The following NOVA1 variants were observed in gnomAD, a reference collection of about 807,000 sequenced individuals.
NOVA1 encodes RNA-binding protein Nova-1.
NOVA1 carries 7 observed loss-of-function variants against 38.0 expected under a neutral mutation model. That is an observed-to-expected ratio of 0.18 (90% confidence interval 0.10 to 0.35). The LOEUF is 0.35. Ranked by LOEUF, NOVA1 falls within the 10% of genes least tolerant of loss-of-function variation. The pLI is 1.00. For missense variants in NOVA1, 460 were observed against 616.0 expected (o/e 0.75, Z 2.68); for synonymous variants, 270 against 232.5 (o/e 1.16, Z -1.47).
At chr14:26,453,293 G>C (rs896471489) in intron 4 of NOVA1, among the ~76,000 whole-genome samples, 2 of 151,896 alleles carry the variant, frequency 1.3e-5, no homozygotes, top group African/African-American at 4.8e-5. Flanking sequence ...CTGCAGCCTC[G>C]AACTCCTGGG....
At chr14:26,525,283 T>C (rs1889218379) in intron 2 of NOVA1, among the ~76,000 whole-genome samples, 1 of 152,166 alleles carries the variant, frequency 6.6e-6, no homozygotes, top group Admixed American at 6.5e-5. Context: ...ATGTGGCCAA[T>C]TCCTACAAGA....
chr14:26,549,767 T>C, intron 2 of NOVA1: 1 of 1,288,712 alleles, frequency 7.8e-7, no homozygotes, highest in Non-Finnish European at 1.0e-6. Context: ...CAATTTCTTC[T>C]GCAGCTGTCA....
rs186604701 is a variant in NOVA1 at position 26,466,584 on chromosome 14, T to C, written c.519+5736A>G. ...TTGTGAACATAAAATTAGGTAATAA[T>C]TCTGCACATGTGAGGAATAATAAAG... On this transcript the variant is annotated intron_variant, in intron 4 of 4. Transcript: ENST00000539517. Among the ~76,000 whole-genome samples, 116 of 152,322 alleles carry C rather than the reference T, an allele frequency of 7.6e-4. 1 individual carries two copies. In the Middle Eastern group the frequency reaches 0.01, roughly 13 times the overall value.
chr14:26,520,067 A>G (rs1888760116), intron 2 of NOVA1, among the ~76,000 whole-genome samples: 1 of 152,226 alleles, frequency 6.6e-6, no homozygotes, highest in Admixed American at 6.5e-5. Flanking sequence ...TTCTGGTTAC[A>G]TTTAAAAACA....
At chr14:26,454,949 C>T (rs530998228) in intron 4 of NOVA1, among the ~76,000 whole-genome samples, 3 of 152,118 alleles carry the variant, frequency 2.0e-5, no homozygotes, top group African/African-American at 7.2e-5. Flanking sequence ...AATTGTTGAA[C>T]AAAGCAAATT....
At chr14:26,567,352 G>A (rs528062801) in intron 2 of NOVA1, among the ~76,000 whole-genome samples, 66 of 132,666 alleles carry the variant, frequency 5.0e-4, no homozygotes, top group African/African-American at 1.9e-3. Context: ...CTGGAATGCA[G>A]TGGCGCAATC....
chr14:26,459,089 T>C (rs1252721392), intron 4 of NOVA1, among the ~76,000 whole-genome samples: 3 of 152,080 alleles, frequency 2.0e-5, no homozygotes, highest in Non-Finnish European at 4.4e-5. Flanking sequence ...ATTCACTCAC[T>C]ACTGAATCAC....
chr14:26,545,773 A>C (rs1296895896), intron 2 of NOVA1, among the ~76,000 whole-genome samples: 4 of 152,126 alleles, frequency 2.6e-5, no homozygotes, highest in Non-Finnish European at 5.9e-5. Context: ...AAGTGGCAGT[A>C]AGGATTCGAG....
chr14:26,596,577 G>C (rs1328959838), intron 1 of NOVA1: 5 of 1,288,988 alleles, frequency 3.9e-6, no homozygotes, highest in African/African-American at 1.5e-5. Flanking sequence ...ATTCACCTCT[G>C]CTTCGATGCA....
intron 4 of NOVA1, among the ~76,000 whole-genome samples, chr14:26,461,820 A>C (rs1030957226): frequency 1.3e-5 from 2 of 151,372 alleles, no homozygotes; most frequent in Non-Finnish European, 2.9e-5. Flanking sequence ...CATGCCTGTC[A>C]TCCCAGCTAC....
intron 2 of NOVA1, among the ~76,000 whole-genome samples, chr14:26,549,043 G>C (rs1465502743): frequency 6.6e-6 from 1 of 152,102 alleles, no homozygotes; most frequent in Non-Finnish European, 1.5e-5. Context: ...GGCTATCTTT[G>C]ATACTTGCAA....
At chr14:26,461,950 A>G (rs538791685) in intron 4 of NOVA1, among the ~76,000 whole-genome samples, 1 of 152,120 alleles carries the variant, frequency 6.6e-6, no homozygotes, top group East Asian at 1.9e-4. Context: ...CAAAAAACAA[A>G]AACAAAAACA....
chr14:26,593,246 A>G (rs1893970496), intron 2 of NOVA1: 1 of 151,830 alleles, frequency 6.6e-6, no homozygotes, highest in Non-Finnish European at 1.5e-5. Flanking sequence ...CGTACATCTG[A>G]GTAAGAGAAA....
intron 2 of NOVA1, among the ~76,000 whole-genome samples, chr14:26,579,164 T>A (rs1248288157): frequency 7.0e-6 from 1 of 143,386 alleles, no homozygotes; most frequent in Non-Finnish European, 1.5e-5. Flanking sequence ...TTCAAGTGAC[T>A]CTCCCGCCTC....
At chr14:26,595,669 A>C in intron 1 of NOVA1, 116 bp from the exon 2 acceptor site, 1 of 782,678 alleles carries the variant, frequency 1.3e-6, no homozygotes, top group Non-Finnish European at 1.9e-6. Context: ...ACTGCAGGAA[A>C]TATGAAGTTA....
intron 2 of NOVA1, among the ~76,000 whole-genome samples, chr14:26,487,570 C>T (rs926863463): frequency 1.3e-5 from 2 of 152,052 alleles, no homozygotes; most frequent in African/African-American, 2.4e-5. Flanking sequence ...AGACATATAG[C>T]AAACACAGAG....
chr14:26,541,604 C>T (rs1316855107), intron 2 of NOVA1, among the ~76,000 whole-genome samples: 1 of 148,068 alleles, frequency 6.8e-6, no homozygotes, highest in Non-Finnish European at 1.5e-5. Flanking sequence ...TTAGTTTCCC[C>T]GAGTATGCTT....
At chr14:26,572,622 T>C (rs1892551727) in intron 2 of NOVA1, among the ~76,000 whole-genome samples, 1 of 151,908 alleles carries the variant, frequency 6.6e-6, no homozygotes, top group South Asian at 2.1e-4. Flanking sequence ...ATAGGATGTG[T>C]CACAAGAACA....
intron 2 of NOVA1, among the ~76,000 whole-genome samples, chr14:26,509,602 C>A (rs1171793236): frequency 6.6e-6 from 1 of 152,116 alleles, no homozygotes; most frequent in Non-Finnish European, 1.5e-5. Context: ...AGGCACACTG[C>A]ACATTTGATA....
Sources: gnomAD v4.1 joint callset for allele counts (sites outside exome capture counted in the v4.1 genomes callset) on GRCh38, gnomAD v4.1.1 for gene constraint, MANE v1.5 for transcripts, NCBI Gene and HGNC (gene_info 2026-07-23, HGNC 2026-07-21) for gene names.